NPEPPS: variants seen among roughly 807,000 people sequenced by gnomAD.
The protein encoded by NPEPPS is puromycin-sensitive aminopeptidase.
NPEPPS carries 14 observed loss-of-function variants against 115.5 expected under a neutral mutation model. The observed-to-expected ratio is 0.12, with a 90% CI of 0.08 to 0.19. The LOEUF (loss-of-function observed/expected upper bound fraction) is 0.19. Ranked by LOEUF, NPEPPS falls within the 10% of genes least tolerant of loss-of-function variation. The probability of loss-of-function intolerance (pLI) is 1.00; values close to 1 mark genes in which losing one functional copy is unlikely to be tolerated. For synonymous variants in NPEPPS, 285 were observed against 390.6 expected (o/e 0.73, Z 3.19); for missense variants, 523 against 1,110.8 (o/e 0.47, Z 7.52).
At chr17:47,592,734 T>C (rs1245456172) in intron 12 of NPEPPS, 189 bp downstream of exon 12, 10 of 529,036 alleles carry the variant, frequency 1.9e-5, no homozygotes, top group Non-Finnish European at 2.4e-5. Flanking sequence ...TGCTCCAGAA[T>C]CTGAAACTTT....
intron 2 of NPEPPS, among the ~76,000 whole-genome samples, chr17:47,552,341 C>G (rs138525826): frequency 1.3e-5 from 2 of 152,070 alleles, no homozygotes; most frequent in Non-Finnish European, 2.9e-5. Context: ...AATAAACAAC[C>G]CTTAAGTATC....
At chr17:47,583,207 G>T (rs567489579) in intron 5 of NPEPPS, among the ~76,000 whole-genome samples, 93 of 151,936 alleles carry the variant, frequency 6.1e-4, no homozygotes, top group African/African-American at 2.2e-3. Flanking sequence ...CAAATTCCTC[G>T]TTAAATACAT....
chr17:47,569,907 C>A (rs1225891152), intron 3 of NPEPPS, among the ~76,000 whole-genome samples: 3 of 152,210 alleles, frequency 2.0e-5, no homozygotes, highest in Non-Finnish European at 4.4e-5. Flanking sequence ...GCAGGAGCCA[C>A]CGCGCCCAGC....
At chr17:47,543,080 T>C (rs1908887881) in intron 1 of NPEPPS, among the ~76,000 whole-genome samples, 1 of 145,442 alleles carries the variant, frequency 6.9e-6, no homozygotes, top group African/African-American at 2.6e-5. Flanking sequence ...GAGGTTGCAG[T>C]GAGCCAAGAT....
intron 3 of NPEPPS, among the ~76,000 whole-genome samples, chr17:47,578,433 C>T (rs911859321): frequency 8.8e-4 from 133 of 151,788 alleles, no homozygotes; most frequent in African/African-American, 3.0e-3. Flanking sequence ...CATTCCTCTA[C>T]GTTTTTTCGT....
At position 47,532,815 on chromosome 17, in the gene NPEPPS, A is replaced by G. The variant is rs1279793653; in HGVS notation, c.255+1260A>G. On this transcript the variant is annotated intron_variant, in intron 1 of 22. Coordinates refer to ENST00000322157, the MANE Select transcript of NPEPPS (RefSeq NM_006310.4). Reference sequence around the variant, plus strand: ...TCTGAAGTATTGTTTGATTTTGGAGACCATCAGTATAGATGCCCGACAAAC... The same window carrying G: ...TCTGAAGTATTGTTTGATTTTGGAGGCCATCAGTATAGATGCCCGACAAAC... Among the ~76,000 whole-genome samples the G allele has an allele frequency of 2.1e-4, 32 of 152,166 alleles. 2 individuals carry two copies. The highest frequency in any genetic ancestry group is 1.9e-3 in the Admixed American group (29 of 15,264).
At chr17:47,548,796 T>G (rs1170166083) in intron 2 of NPEPPS, among the ~76,000 whole-genome samples, 1 of 151,596 alleles carries the variant, frequency 6.6e-6, no homozygotes, top group African/African-American at 2.4e-5. Flanking sequence ...AGGCTGGTCT[T>G]GAACTCCTGG....
intron 12 of NPEPPS, 69 bp from the exon 13 acceptor site, chr17:47,596,284 A>G: frequency 9.8e-7 from 1 of 1,021,566 alleles, no homozygotes; most frequent in African/African-American, 1.6e-5. Context: ...CAAAAGTTAA[A>G]TAAAATTTCT....
intron 21 of NPEPPS, 122 bp from the exon 22 acceptor site, chr17:47,619,615 A>G: frequency 1.2e-6 from 1 of 801,280 alleles, no homozygotes; most frequent in East Asian, 2.5e-5. Context: ...TCCATCTCCC[A>G]TCACACATCC....
At chr17:47,543,870 A>AGTTTGTTTGTTTGTTT (rs56297702) in intron 1 of NPEPPS, among the ~76,000 whole-genome samples, 15 of 145,182 alleles carry the variant, frequency 1.0e-4, no homozygotes, top group South Asian at 2.2e-4. Context: ...CCAAGATGCT[A>AGTTTGTTTGTTTGTTT]GTTTGTTTGT....
rs750902522 is a variant in NPEPPS at position 47,582,723 on chromosome 17, T to A, written c.541-19T>A. The A allele has an allele frequency of 4.0e-6, 3 of 744,774 alleles. No homozygotes were observed. Among genetic ancestry groups the A allele is most frequent in the African/African-American group, 1.7e-5 (1 of 57,848 alleles). 46.1% of individuals were successfully genotyped at this position (744,774 alleles called of 1,614,324 possible). A position where few individuals can be genotyped will look rare whatever the true frequency, so the allele number is the denominator to read the frequency against. On this transcript the variant is annotated intron_variant, in intron 4 of 22. Transcript: ENST00000322157. ...TAGGTTAATTCTAAGGTATTTATAT[T>A]TCATATTCTTTTCTTAAGGCTACTG...
chr17:47,576,131 C>G (rs541154577), intron 3 of NPEPPS, among the ~76,000 whole-genome samples: 9 of 152,000 alleles, frequency 5.9e-5, no homozygotes, highest in Non-Finnish European at 1.2e-4. Context: ...TAAGTAAAAC[C>G]TACTTTTCTG....
intron 19 of NPEPPS, 136 bp downstream of exon 19, chr17:47,613,861 C>T: frequency 3.3e-6 from 2 of 608,366 alleles, no homozygotes; most frequent in Non-Finnish European, 5.7e-6. Context: ...TATTTTAAAA[C>T]TGTGAGAGAA....
intron 18 of NPEPPS, 33 bp downstream of exon 18, chr17:47,612,635 AGGTAAC>A: frequency 6.5e-7 from 1 of 1,550,322 alleles, no homozygotes; most frequent in Non-Finnish European, 8.8e-7. Context: ...CTTGACTTAT[AGGTAAC>A]ATCATTTTGT....
chr17:47,592,406 T>G (rs1912562495), intron 11 of NPEPPS, 79 bp from the exon 12 acceptor site: 2 of 1,438,046 alleles, frequency 1.4e-6, no homozygotes, highest in African/African-American at 2.8e-5. Flanking sequence ...AGTAAATTTG[T>G]TTTTGATTAC....
At chr17:47,552,646 C>T (rs891417045) in intron 2 of NPEPPS, among the ~76,000 whole-genome samples, 1 of 152,086 alleles carries the variant, frequency 6.6e-6, no homozygotes, top group African/African-American at 2.4e-5. Context: ...TTTAAATAGC[C>T]TTAAGGTGAT....
At chr17:47,528,909 TA>T (rs1270781637), upstream of NPEPPS, among the ~76,000 whole-genome samples, 1 of 152,086 alleles carries the variant, frequency 6.6e-6, no homozygotes, top group Non-Finnish European at 1.5e-5. Flanking sequence ...GTGCTGGGAT[TA>T]CAGGCGTGAG....
Position 47,577,581 on chromosome 17 carries a change from GA to G in NPEPPS, c.419-1803del, listed in dbSNP as rs1325182396. Among the ~76,000 whole-genome samples, 2 of 151,908 alleles carry G rather than the reference GA, an allele frequency of 1.3e-5. 1 individual carries two copies. The highest frequency in any genetic ancestry group is 1.3e-4 in the Admixed American group (2 of 15,234). ...CCAGTAACCTGTCATTCTCTTTAAA[GA>G]AAAAAGTATTCATTGTCCTCTTTAG... is the stretch of plus-strand genomic sequence containing the variant. On this transcript the variant is annotated intron_variant, in intron 3 of 22. Transcript: ENST00000322157.
At chr17:47,606,695 G>A (rs558375046) in intron 17 of NPEPPS, among the ~76,000 whole-genome samples, 2 of 121,624 alleles carry the variant, frequency 1.6e-5, no homozygotes, top group East Asian at 2.5e-4. Flanking sequence ...TGCCCGTCTC[G>A]GCCGCCCAAA....
Sources: gnomAD v4.1 joint callset for allele counts (sites outside exome capture counted in the v4.1 genomes callset) on GRCh38, gnomAD v4.1.1 for gene constraint, MANE v1.5 for transcripts, NCBI Gene and HGNC (gene_info 2026-07-23, HGNC 2026-07-21) for gene names.